Variants in PTER observed in about 807,000 individuals in gnomAD.
The protein encoded by PTER is N-acetyltaurine hydrolase.
A neutral mutation model predicts 29.6 loss-of-function variants in PTER; 38 were observed. The observed-to-expected ratio is 1.28, with a 90% confidence interval of 0.99 to 1.68. PTER has a LOEUF of 1.68. Ranked by LOEUF, PTER falls within the 40% of genes most tolerant of loss-of-function variation. PTER has a pLI of 0.00. For synonymous variants in PTER, 172 were observed against 154.5 expected (o/e 1.11, Z -0.84); for missense variants, 482 against 427.8 (o/e 1.13, Z -1.12).
chr10:16,500,966 C>G (rs1836313844), intron 3 of PTER, among the ~76,000 whole-genome samples: 1 of 152,104 alleles, frequency 6.6e-6, no homozygotes, highest in Non-Finnish European at 1.5e-5. Flanking sequence ...CAGTCTCACT[C>G]TGTCACCCAA....
intron 3 of PTER, among the ~76,000 whole-genome samples, chr10:16,491,876 T>C (rs1835911974): frequency 6.6e-6 from 1 of 152,144 alleles, no homozygotes; most frequent in South Asian, 2.1e-4. Flanking sequence ...CCCAATCACA[T>C]TGAAGCAGGT....
At chr10:16,471,655 AT>A in intron 1 of PTER, among the ~76,000 whole-genome samples, 1 of 151,982 alleles carries the variant, frequency 6.6e-6, no homozygotes, top group East Asian at 1.9e-4. Context: ...TATTTTCCTC[AT>A]TTTTTTCTTC....
chr10:16,478,863 C>T (rs1835376524), intron 1 of PTER, among the ~76,000 whole-genome samples: 1 of 152,022 alleles, frequency 6.6e-6, no homozygotes, highest in Admixed American at 6.5e-5. Flanking sequence ...CAAATGGCTT[C>T]AATGGATTTA....
At chr10:16,488,307 A>G (rs1482190114) in intron 3 of PTER, among the ~76,000 whole-genome samples, 2 of 152,072 alleles carry the variant, frequency 1.3e-5, no homozygotes, top group Non-Finnish European at 2.9e-5. Context: ...CATCTTGGAC[A>G]GCTTAATTTG....
chr10:16,466,030 G>A (rs1419518773), intron 1 of PTER, among the ~76,000 whole-genome samples: 2 of 152,176 alleles, frequency 1.3e-5, no homozygotes, highest in African/African-American at 4.8e-5. Context: ...TACAATTTGA[G>A]ATGAGATTTG....
chr10:16,461,676 C>T (rs1184141085), intron 1 of PTER, among the ~76,000 whole-genome samples: 1 of 152,114 alleles, frequency 6.6e-6, no homozygotes, highest in Non-Finnish European at 1.5e-5. Flanking sequence ...GAGTTCTTTC[C>T]TAGACCATTA....
intron 1 of PTER, among the ~76,000 whole-genome samples, chr10:16,446,367 C>A (rs1183925181): frequency 6.6e-6 from 1 of 152,068 alleles, no homozygotes; most frequent in Non-Finnish European, 1.5e-5. Flanking sequence ...TAAAGGCGTG[C>A]ACCACAATGC....
chr10:16,502,022 A>C (rs1836369872), intron 3 of PTER, among the ~76,000 whole-genome samples: 1 of 152,208 alleles, frequency 6.6e-6, no homozygotes, highest in Non-Finnish European at 1.5e-5. Context: ...AAGGCTAAAG[A>C]GTTTTCTAAG....
At chr10:16,438,958 G>A (rs552771209) in intron 1 of PTER, among the ~76,000 whole-genome samples, 47 of 150,238 alleles carry the variant, frequency 3.1e-4, no homozygotes, top group African/African-American at 9.8e-4. Flanking sequence ...TCTCTAGGTC[G>A]CTAGTGGATG....
chr10:16,471,702 C>G (rs974992060), intron 1 of PTER, among the ~76,000 whole-genome samples: 1 of 152,072 alleles, frequency 6.6e-6, no homozygotes, highest in African/African-American at 2.4e-5. Flanking sequence ...GAGCATTTTT[C>G]TATGTCATTA....
chr10:16,478,264 G>GT (rs1835349582), intron 1 of PTER, among the ~76,000 whole-genome samples: 1 of 151,750 alleles, frequency 6.6e-6, no homozygotes, highest in Non-Finnish European at 1.5e-5. Context: ...ACTATAGTGA[G>GT]TAATGTTGCA....
At chr10:16,458,893 C>T (rs183875912) in intron 1 of PTER, among the ~76,000 whole-genome samples, 1 of 152,254 alleles carries the variant, frequency 6.6e-6, no homozygotes, top group Non-Finnish European at 1.5e-5. Context: ...GAGCATAAAG[C>T]ACCTTACCTC....
At chr10:16,466,043 T>G (rs948714070) in intron 1 of PTER, among the ~76,000 whole-genome samples, 6 of 152,148 alleles carry the variant, frequency 3.9e-5, no homozygotes, top group Non-Finnish European at 8.8e-5. Context: ...GAGATTTGGG[T>G]GGGGACGTGA....
At position 16,437,039 on chromosome 10, in the gene PTER, G is replaced by T. The variant is rs190715956; in HGVS notation, c.-57G>T. The T allele has an allele frequency of 4.3e-3, 650 of 152,676 alleles. 5 individuals are homozygous for T. Among genetic ancestry groups the T allele is most frequent in the African/African-American group, 0.015 (629 of 41,598 alleles). The allele number at this position is 152,676 out of a possible 1,614,324, so 9.5% of individuals were successfully genotyped here. A position where few individuals can be genotyped will look rare whatever the true frequency, so the allele number is the denominator to read the frequency against. On this transcript the variant is annotated 5_prime_UTR_variant, in exon 1 of 5. Coordinates refer to ENST00000535784, the MANE Select transcript of PTER (RefSeq NM_001261836.2). ...GTTCCCAGGGAGAAGGCAGCGCGTT[G>T]TACCCGAGGTAAGGCTTCTTGGAGT...
chr10:16,488,050 T>C lies in PTER; in HGVS notation c.698+1433T>C, dbSNP rs112693760. Among the ~76,000 whole-genome samples the C allele has an allele frequency of 4.7e-3, 718 of 152,282 alleles. 8 individuals carry two copies. The highest frequency in any genetic ancestry group is 0.016 in the African/African-American group (675 of 41,564). On this transcript the variant is annotated intron_variant, in intron 3 of 4. Transcript: ENST00000535784. The stretch of plus-strand genomic sequence containing the variant: ...ATGTGCAGGAAATATAAACAAGTTG[T>C]AGTTATAGCAGAACAGAGAAGTCAG...
chr10:16,477,181 G>A (rs1158489724), intron 1 of PTER, among the ~76,000 whole-genome samples: 1 of 152,122 alleles, frequency 6.6e-6, no homozygotes, highest in Non-Finnish European at 1.5e-5. Context: ...TGGGATTACA[G>A]GCATGTGCCA....
intron 1 of PTER, among the ~76,000 whole-genome samples, chr10:16,446,313 G>A (rs544513069): frequency 4.6e-5 from 7 of 151,788 alleles, no homozygotes; most frequent in Non-Finnish European, 1.0e-4. Context: ...CCACCTCCCG[G>A]GTTCAAGTGA....
At chr10:16,440,220 C>T (rs1373562982) in intron 1 of PTER, among the ~76,000 whole-genome samples, 3 of 152,046 alleles carry the variant, frequency 2.0e-5, no homozygotes, top group African/African-American at 4.8e-5. Context: ...CATGCACCAC[C>T]ACGCCCAGCT....
chr10:16,453,718 A>G (rs562762700), intron 1 of PTER, among the ~76,000 whole-genome samples: 1 of 152,328 alleles, frequency 6.6e-6, no homozygotes, highest in Admixed American at 6.5e-5. Flanking sequence ...CATATAAAGA[A>G]AGATATCAAT....
Sources: gnomAD v4.1 joint callset for allele counts (sites outside exome capture counted in the v4.1 genomes callset) on GRCh38, gnomAD v4.1.1 for gene constraint, MANE v1.5 for transcripts, NCBI Gene and HGNC (gene_info 2026-07-23, HGNC 2026-07-21) for gene names.